The following ST3GAL3 variants were observed in gnomAD, a reference collection of about 807,000 sequenced individuals.
ST3GAL3 encodes ST3 beta-galactoside alpha-2,3-sialyltransferase 3.
ST3GAL3 carries 21 observed loss-of-function variants against 50.1 expected under a neutral mutation model. The ratio of observed to expected loss-of-function variants is 0.42; its 90% confidence interval spans 0.30 to 0.60. The LOEUF (loss-of-function observed/expected upper bound fraction) is 0.60, where lower values mean the gene tolerates loss of function less well. Among genes scored for constraint, ST3GAL3 ranks in the 20% least tolerant of loss-of-function variants. The pLI, the probability that ST3GAL3 is intolerant of heterozygous loss-of-function variation, is 0.19. For synonymous variants in ST3GAL3, 183 were observed against 190.0 expected (o/e 0.96, Z 0.30); for missense variants, 353 against 489.4 (o/e 0.72, Z 2.63).
chr1:43,921,293 C>T, intron 11 of ST3GAL3: 1 of 527,028 alleles, frequency 1.9e-6, no homozygotes, highest in Non-Finnish European at 3.3e-6. Context: ...CTCTGGGTCT[C>T]AGGACTTCTC....
chr1:43,786,499 C>G (rs1184934550), intron 2 of ST3GAL3, among the ~76,000 whole-genome samples: 3 of 152,226 alleles, frequency 2.0e-5, no homozygotes, highest in African/African-American at 7.2e-5. Flanking sequence ...TTGCTTCTGT[C>G]TCCAGGTCTC....
chr1:43,718,356 AT>A (rs1469307627), intron 1 of ST3GAL3, among the ~76,000 whole-genome samples: 1 of 149,980 alleles, frequency 6.7e-6, no homozygotes, highest in Non-Finnish European at 1.5e-5. Context: ...TGCCCAGCTA[AT>A]TTTTTGTATT....
chr1:43,867,707 C>G (rs1032722772), intron 5 of ST3GAL3, among the ~76,000 whole-genome samples: 1 of 152,220 alleles, frequency 6.6e-6, no homozygotes, highest in African/African-American at 2.4e-5. Flanking sequence ...CTAGCTTGCT[C>G]TAACCCTGCC....
At chr1:43,868,706 C>T (rs2071917415) in intron 5 of ST3GAL3, among the ~76,000 whole-genome samples, 1 of 152,096 alleles carries the variant, frequency 6.6e-6, no homozygotes, top group African/African-American at 2.4e-5. Flanking sequence ...CCTTGCCTAC[C>T]TCCCCCACCC....
At chr1:43,905,057 C>G (rs2079027281) in intron 9 of ST3GAL3, among the ~76,000 whole-genome samples, 1 of 132,728 alleles carries the variant, frequency 7.5e-6, no homozygotes, top group Non-Finnish European at 1.6e-5. Context: ...TCCCACCACT[C>G]TTCCTCCTCC....
chr1:43,749,148 A>G (rs1225643337), intron 2 of ST3GAL3, among the ~76,000 whole-genome samples: 4 of 152,238 alleles, frequency 2.6e-5, no homozygotes, highest in Non-Finnish European at 5.9e-5. Flanking sequence ...CTAGATATCT[A>G]TATAGAAAAA....
In ST3GAL3 at chr1:43,920,937, C is replaced by T. The variant is rs757031483; in HGVS notation, c.1038+9C>T. The T allele has an allele frequency of 9.3e-6, 15 of 1,605,020 alleles. No homozygotes were observed. Among genetic ancestry groups the T allele is most frequent in the Non-Finnish European group, 1.3e-5 (15 of 1,175,464 alleles). On this transcript the variant is annotated intron_variant, in intron 11 of 11. Transcript: ENST00000347631. ...TGGCAGCCATCAAAGAGGTTCGGGGCTGGGTATGGGGGCAATCCCTGGGTG... is the reference window on the plus strand; with the variant it reads ...TGGCAGCCATCAAAGAGGTTCGGGGTTGGGTATGGGGGCAATCCCTGGGTG...
intron 3 of ST3GAL3, among the ~76,000 whole-genome samples, chr1:43,795,971 T>G (rs1397173320): frequency 6.6e-6 from 1 of 151,998 alleles, no homozygotes; most frequent in Non-Finnish European, 1.5e-5. Flanking sequence ...GGAAAAGACC[T>G]CTAGTTAAAG....
chr1:43,909,603 CA>C (rs2080438779), intron 9 of ST3GAL3, among the ~76,000 whole-genome samples: 1 of 152,072 alleles, frequency 6.6e-6, no homozygotes, highest in Admixed American at 6.6e-5. Flanking sequence ...AAAATACAAC[CA>C]AAGGGAATTT....
At chr1:43,800,828 A>C (rs996429610) in intron 3 of ST3GAL3, among the ~76,000 whole-genome samples, 2 of 152,126 alleles carry the variant, frequency 1.3e-5, no homozygotes, top group African/African-American at 4.8e-5. Context: ...ACTATTGCCA[A>C]CTTCTTCCTC....
chr1:43,736,210 G>A (rs1480724865), intron 1 of ST3GAL3, 23 bp from the exon 2 acceptor site: 1 of 1,604,630 alleles, frequency 6.2e-7, no homozygotes, highest in East Asian at 2.2e-5. Context: ...TGTCTTTTAA[G>A]AACTAAACTT....
chr1:43,740,846 G>A (rs1466981954), intron 2 of ST3GAL3, among the ~76,000 whole-genome samples: 1 of 150,400 alleles, frequency 6.6e-6, no homozygotes, highest in East Asian at 2.0e-4. Flanking sequence ...GAAAGAGAAG[G>A]AGAGAGGGAG....
chr1:43,825,180 A>T (rs982090700), intron 4 of ST3GAL3, among the ~76,000 whole-genome samples: 3 of 152,222 alleles, frequency 2.0e-5, no homozygotes, highest in African/African-American at 7.2e-5. Flanking sequence ...CTGTCACTAT[A>T]TCATATCTGA....
chr1:43,878,888 T>C (rs1315613071), intron 5 of ST3GAL3: 1 of 373,126 alleles, frequency 2.7e-6, no homozygotes, highest in Non-Finnish European at 5.3e-6. Context: ...TTCTAAGTAC[T>C]GGGGGGCATG....
At chr1:43,823,671 A>T (rs1301476091) in intron 4 of ST3GAL3, among the ~76,000 whole-genome samples, 2 of 152,124 alleles carry the variant, frequency 1.3e-5, no homozygotes, top group African/African-American at 4.8e-5. Context: ...GTCTCCATCT[A>T]CTAGAGTGTT....
At chr1:43,846,144 T>C (rs959737700) in intron 5 of ST3GAL3, among the ~76,000 whole-genome samples, 1 of 152,162 alleles carries the variant, frequency 6.6e-6, no homozygotes, top group Non-Finnish European at 1.5e-5. Flanking sequence ...TTAGCTTAGG[T>C]TGGTTTATGG....
intron 2 of ST3GAL3, among the ~76,000 whole-genome samples, chr1:43,759,046 AAAAC>A (rs1442821110): frequency 2.6e-4 from 37 of 142,108 alleles, no homozygotes; most frequent in Non-Finnish European, 2.6e-4. Flanking sequence ...TGTCTCCTAA[AAAAC>A]AAACAAAAGC....
intron 3 of ST3GAL3, among the ~76,000 whole-genome samples, chr1:43,802,385 A>G (rs1407226294): frequency 3.9e-5 from 6 of 152,248 alleles, no homozygotes; most frequent in Admixed American, 3.9e-4. Flanking sequence ...AAATTTCTTC[A>G]GTTAGAACAA....
chr1:43,768,435 C>A (rs1693925996), intron 2 of ST3GAL3, among the ~76,000 whole-genome samples: 1 of 152,130 alleles, frequency 6.6e-6, no homozygotes, highest in African/African-American at 2.4e-5. Flanking sequence ...AGCAAGACCC[C>A]ATCTCTAAAA....
Sources: allele counts gnomAD v4.1 joint callset (sites outside exome capture counted in the v4.1 genomes callset), GRCh38; gene constraint gnomAD v4.1.1; transcripts MANE v1.5; gene names NCBI Gene and HGNC (gene_info 2026-07-23, HGNC 2026-07-21).